The following HPS6 variants were observed in gnomAD, a reference collection of about 807,000 sequenced individuals.
HPS6 encodes BLOC-2 complex member HPS6.
HPS6 carries 46 observed loss-of-function variants against 53.6 expected under a neutral mutation model. That is an observed-to-expected ratio of 0.86 (90% CI 0.68 to 1.10). HPS6 has a LOEUF of 1.10. Ranked by LOEUF, HPS6 falls within the 50% of genes least tolerant of loss-of-function variation. The pLI is 0.00. For synonymous variants in HPS6, 535 were observed against 470.8 expected (o/e 1.14, Z -1.77); for missense variants, 1,034 against 991.3 (o/e 1.04, Z -0.58).
Position 102,067,517 on chromosome 10 carries a change from C to G in HPS6, c.2043C>G (p.His681Gln). 6.2e-7 allele frequency: 1 copy of G among 1,613,732 alleles called. No homozygotes were observed. Among genetic ancestry groups the G allele is most frequent in the African/African-American group, 1.3e-5 (1 of 75,068 alleles). ...TGCTGCTGGCCGAGTTTGCCCAGCA[C>G]CGCCGGCTTGATGCTCACCTCCCCC... is the stretch of plus-strand genomic sequence containing the variant. ...FKLLLAEFAQHRRLDAHLPLL... is the reference protein window; with the variant it reads ...FKLLLAEFAQQRRLDAHLPLL... Residue 681 changes from histidine (H) to glutamine (Q), a missense_variant, in exon 1 of 1, where the codon CAC becomes CAG. Coordinates refer to ENST00000299238, the MANE Select transcript of HPS6 (RefSeq NM_024747.6).
In HPS6 at chr10:102,067,796, C is replaced by T; in HGVS notation, c.2322C>T (p.Asp774=). The T allele has an allele frequency of 6.2e-7, 1 of 1,613,088 alleles. No homozygotes were observed. Among genetic ancestry groups the T allele is most frequent in the African/African-American group, 1.3e-5 (1 of 75,050 alleles). ...PSTPPPTPPR[D]L Reference sequence around the variant, plus strand: ...CTCCACCCCCGACTCCACCTCGGGACCTATGACTACCCTTCAGGCATCAGA... The same window carrying T: ...CTCCACCCCCGACTCCACCTCGGGATCTATGACTACCCTTCAGGCATCAGA... Residue 774 remains aspartate (D), a synonymous_variant, in exon 1 of 1, where the codon GAC becomes GAT. Coordinates refer to ENST00000299238, the MANE Select transcript of HPS6 (RefSeq NM_024747.6).
chr10:102,065,735 A>AGCGCGGCCG lies in HPS6; in HGVS notation c.266_274dup (p.Arg89_Ala91dup). 6.7e-7 allele frequency: 1 copy of AGCGCGGCCG among 1,501,712 alleles called. No individual in the cohort carries two copies. Among genetic ancestry groups the AGCGCGGCCG allele is most frequent in the Non-Finnish European group, 8.8e-7 (1 of 1,133,220 alleles). 93.0% of individuals were successfully genotyped at this position (1,501,712 alleles called of 1,614,324 possible). A position where few individuals can be genotyped will look rare whatever the true frequency, so the allele number is the denominator to read the frequency against. On this transcript the variant is annotated inframe_insertion, in exon 1 of 1. Coordinates refer to ENST00000299238, the MANE Select transcript of HPS6 (RefSeq NM_024747.6). Reference sequence around the variant, plus strand: ...TGGACGCCTTCTTCCTGCCGTGGCCAGCGCGGCCGGCGCTGGTGCTGGTGT... The same window carrying AGCGCGGCCG: ...TGGACGCCTTCTTCCTGCCGTGGCCAGCGCGGCCGGCGCGGCCGGCGCTGGTGCTGGTGT...
Position 102,066,024 on chromosome 10 carries a change from C to A in HPS6, c.550C>A (p.Leu184Met), listed in dbSNP as rs1051160723. 1 of 1,606,336 alleles carries A rather than the reference C, an allele frequency of 6.2e-7. No individual in the cohort carries two copies. The highest frequency in any genetic ancestry group is 8.5e-7 in the Non-Finnish European group (1 of 1,179,968). Residue 184 changes from leucine (L) to methionine (M), a missense_variant, in exon 1 of 1, where the codon CTG becomes ATG. Physicochemically the swap from Leu to Met is conservative, Grantham distance 15. Coordinates refer to ENST00000299238, the MANE Select transcript of HPS6 (RefSeq NM_024747.6). ...ASTSLGRTHV[L>M]LHHCPAFGLL... ...CACCAGCCTGGGCCGCACACACGTCCTGCTGCACCACTGCCCTGCCTTCGG... is the reference window on the plus strand; with the variant it reads ...CACCAGCCTGGGCCGCACACACGTCATGCTGCACCACTGCCCTGCCTTCGG...
chr10:102,066,222 G>A lies in HPS6; in HGVS notation c.748G>A (p.Asp250Asn), dbSNP rs552634274. 9 of 1,613,930 alleles carry A rather than the reference G, an allele frequency of 5.6e-6. No homozygotes were observed. The South Asian group carries it at 9.9e-5, about 18-fold the overall frequency. ...SLNPGRGDTW[D>N]FRTLLRGLPG... ...GAATCCTGGACGAGGGGACACATGGGACTTCCGGACCCTGCTCCGAGGCCT... is the reference window on the plus strand; with the variant it reads ...GAATCCTGGACGAGGGGACACATGGAACTTCCGGACCCTGCTCCGAGGCCT... The change falls in exon 1 of 1, where the codon GAC (aspartate) becomes AAC (asparagine). Residue 250 changes from aspartate (D) to asparagine (N), a missense_variant. Asp to Asn is a conservative substitution (Grantham distance 23). Transcript: ENST00000299238.
In HPS6 at chr10:102,067,117, TA is replaced by T; in HGVS notation, c.1644del (p.Gly550GlufsTer2). 1.2e-6 allele frequency: 2 copies of T among 1,614,076 alleles called. No homozygotes were observed. Among genetic ancestry groups the T allele is most frequent in the Non-Finnish European group, 1.7e-6 (2 of 1,180,002 alleles). On this transcript the variant is annotated frameshift_variant, in exon 1 of 1. Coordinates refer to ENST00000299238, the MANE Select transcript of HPS6 (RefSeq NM_024747.6). LOFTEE classifies it high-confidence loss of function. ...QAPPDVWKKV[L>X]GGITAGKEPP... is the part of the protein sequence containing the mutation. ...CCCCCTGATGTGTGGAAGAAAGTGT[TA>T]GGGGGAATAACCGCTGGAAAGGAAC...
Position 102,066,259 on chromosome 10 carries a change from T to C in HPS6, c.785T>C (p.Leu262Pro). The C allele has an allele frequency of 6.2e-7, 1 of 1,613,966 alleles. No individual in the cohort carries two copies. The highest frequency in any genetic ancestry group is 1.3e-5 in the African/African-American group (1 of 75,064). Residue 262 changes from leucine (L) to proline (P), a missense_variant, in exon 1 of 1, where the codon CTG becomes CCG. By Grantham distance (98) the Leu-to-Pro change is moderately conservative. Transcript: ENST00000299238. The stretch of plus-strand genomic sequence containing the variant: ...CTGCTCCGAGGCCTTCCTGGGTTGC[T>C]GTCCCCCAGGGAGCCACTGGCTGTA... ...RTLLRGLPGL[L>P]SPREPLAVHT...
chr10:102,066,123 C>T lies in HPS6; in HGVS notation c.649C>T (p.Leu217Phe). Reference protein sequence around the residue: ...TTWPGVAHVLLIWSPGKGKVM... With the variant: ...TTWPGVAHVLFIWSPGKGKVM... ...CTGGCCTGGCGTGGCCCACGTTCTA[C>T]TCATCTGGAGCCCAGGCAAGGGCAA... Residue 217 changes from leucine to phenylalanine, a missense_variant, in exon 1 of 1, where the codon CTC (leucine) becomes TTC (phenylalanine). By Grantham distance (22) the Leu-to-Phe change is conservative (BLOSUM62 0). Transcript: ENST00000299238. 6.2e-7 allele frequency: 1 copy of T among 1,613,742 alleles called. No individual in the cohort carries two copies. Among genetic ancestry groups the T allele is most frequent in the African/African-American group, 1.3e-5 (1 of 75,070 alleles).
chr10:102,065,699 G>T lies in HPS6; in HGVS notation c.225G>T (p.Gln75His). The part of the protein sequence containing the change: ...AELERAWPAG[Q>H]PSPLDAFFLP... ...TAGAGCGGGCCTGGCCGGCCGGCCA[G>T]CCCTCCCCGCTGGACGCCTTCTTCC... Residue 75 changes from glutamine (Q) to histidine (H), a missense_variant, in exon 1 of 1, where the codon CAG becomes CAT. By Grantham distance (24) the Gln-to-His change is conservative (BLOSUM62 0). Coordinates refer to ENST00000299238, the MANE Select transcript of HPS6 (RefSeq NM_024747.6). The T allele has an allele frequency of 1.3e-6, 2 of 1,512,234 alleles. No individual in the cohort carries two copies. The highest frequency in any genetic ancestry group is 1.8e-6 in the Non-Finnish European group (2 of 1,138,798). The allele number at this position is 1,512,234 out of a possible 1,614,324, so 93.7% of individuals were successfully genotyped here.
At position 102,065,920 on chromosome 10, in the gene HPS6, A is replaced by T; in HGVS notation, c.446A>T (p.Glu149Val). The T allele has an allele frequency of 6.4e-7, 1 of 1,552,042 alleles. No individual in the cohort carries two copies. Among genetic ancestry groups the T allele is most frequent in the Non-Finnish European group, 8.6e-7 (1 of 1,158,098 alleles). Residue 149 changes from glutamate (E) to valine (V), a missense_variant, in exon 1 of 1, where the codon GAG (glutamate) becomes GTG (valine). Coordinates refer to ENST00000299238, the MANE Select transcript of HPS6 (RefSeq NM_024747.6). ...TGCGAGGAGCGGCAGGCCCGGGCCG[A>T]GGGCCCGTCAGGGTCGCCAGCAGCC... ...VWCEERQARAEGPSGSPAAAF... is the reference protein window; with the variant it reads ...VWCEERQARAVGPSGSPAAAF...
In HPS6 at chr10:102,066,367, C is replaced by T. The variant is rs371019818; in HGVS notation, c.893C>T (p.Thr298Met). The T allele has an allele frequency of 6.8e-6, 11 of 1,613,944 alleles. No individual in the cohort carries two copies. In the South Asian group the frequency reaches 7.7e-5, roughly 11 times the overall value. Residue 298 changes from threonine (T) to methionine (M), a missense_variant, in exon 1 of 1, where the codon ACG becomes ATG. Thr to Met is a moderately conservative substitution (Grantham distance 81). Transcript: ENST00000299238. Reference protein sequence around the residue: ...TVSLLQSHGGTRAVGTLQEAP... With the variant: ...TVSLLQSHGGMRAVGTLQEAP... ...AGCCTATTGCAGTCCCACGGTGGTA[C>T]GCGGGCTGTGGGCACCCTGCAGGAG... is the stretch of plus-strand genomic sequence containing the variant.
chr10:102,067,575 C>G lies in HPS6; in HGVS notation c.2101C>G (p.Pro701Ala). The G allele has an allele frequency of 6.2e-7, 1 of 1,613,812 alleles. No homozygotes were observed. Among genetic ancestry groups the G allele is most frequent in the East Asian group, 2.2e-5 (1 of 44,890 alleles). ...LCRLCPPELAPAELLLLLRTY... is the reference protein window; with the variant it reads ...LCRLCPPELAAAELLLLLRTY... ...CCGCCTGTGCCCACCAGAACTGGCTCCAGCTGAGCTCCTGCTTCTACTGAG... is the reference window on the plus strand; with the variant it reads ...CCGCCTGTGCCCACCAGAACTGGCTGCAGCTGAGCTCCTGCTTCTACTGAG... The change falls in exon 1 of 1, where the codon CCA becomes GCA. Residue 701 changes from proline (P) to alanine (A), a missense_variant. Coordinates refer to ENST00000299238, the MANE Select transcript of HPS6 (RefSeq NM_024747.6).
rs776304256 is a variant in HPS6 at position 102,066,167 on chromosome 10, A to G, written c.693A>G (p.Pro231=). The G allele has an allele frequency of 1.9e-6, 3 of 1,613,702 alleles. No individual in the cohort carries two copies. The Admixed American group carries it at 5.0e-5, about 27-fold the overall frequency. ...PGKGKVMVAA[P]RLGLSYSKSL... is the part of the protein sequence containing the mutation. ...AGGGCAAAGTGATGGTGGCTGCCCC[A>G]CGGCTTGGTCTCTCCTACAGTAAGA... is the stretch of plus-strand genomic sequence containing the variant. The change falls in exon 1 of 1, where the codon CCA becomes CCG. Residue 231 remains proline, a synonymous_variant. Coordinates refer to ENST00000299238, the MANE Select transcript of HPS6 (RefSeq NM_024747.6).
Position 102,067,805 on chromosome 10 carries a change from A to T in HPS6, c.*3A>T. The T allele has an allele frequency of 6.2e-7, 1 of 1,612,680 alleles. No individual in the cohort carries two copies. Among genetic ancestry groups the T allele is most frequent in the East Asian group, 2.2e-5 (1 of 44,850 alleles). ...CGACTCCACCTCGGGACCTATGACT[A>T]CCCTTCAGGCATCAGAACACTCAGG... is the stretch of plus-strand genomic sequence containing the variant. On this transcript the variant is annotated 3_prime_UTR_variant, in exon 1 of 1. Coordinates refer to ENST00000299238, the MANE Select transcript of HPS6 (RefSeq NM_024747.6).
chr10:102,066,712 G>T lies in HPS6; in HGVS notation c.1238G>T (p.Arg413Leu), dbSNP rs774845218. Reference protein sequence around the residue: ...VFEEACGYYQRRSLRGAQLTP... With the variant: ...VFEEACGYYQLRSLRGAQLTP... ...GAGGAGGCCTGCGGGTACTACCAGCGGCGGAGCCTGCGGGGTGCCCAGCTC... is the reference window on the plus strand; with the variant it reads ...GAGGAGGCCTGCGGGTACTACCAGCTGCGGAGCCTGCGGGGTGCCCAGCTC... Residue 413 changes from arginine (R) to leucine (L), a missense_variant, in exon 1 of 1, where the codon CGG becomes CTG. Coordinates refer to ENST00000299238, the MANE Select transcript of HPS6 (RefSeq NM_024747.6). 6.2e-7 allele frequency: 1 copy of T among 1,613,948 alleles called. No individual in the cohort carries two copies. The highest frequency in any genetic ancestry group is 8.5e-7 in the Non-Finnish European group (1 of 1,179,988).
Position 102,065,574 on chromosome 10 carries a change from G to A in HPS6, c.100G>A (p.Val34Ile). The A allele has an allele frequency of 6.5e-7, 1 of 1,544,472 alleles. No homozygotes were observed. The highest frequency in any genetic ancestry group is 1.4e-5 in the African/African-American group (1 of 70,688). The part of the protein sequence containing the change: ...ELVAGDSAVR[V>I]RGSPDGRHLL... ...GGTGGCCGGGGACTCAGCGGTCCGA[G>A]TCCGTGGCAGTCCGGACGGCCGCCA... The change falls in exon 1 of 1, where the codon GTC becomes ATC. Residue 34 changes from valine (V) to isoleucine (I), a missense_variant. Coordinates refer to ENST00000299238, the MANE Select transcript of HPS6 (RefSeq NM_024747.6).
In HPS6 at chr10:102,067,635, C is replaced by G; in HGVS notation, c.2161C>G (p.Pro721Ala). Residue 721 changes from proline (P) to alanine (A), a missense_variant, in exon 1 of 1, where the codon CCA becomes GCA. By Grantham distance (27) the Pro-to-Ala change is conservative. Transcript: ENST00000299238. ...CCCAGATGAGGTGGGGCCCCCAACCCCATTCCCTGAGCCTGGAGCAGAGCC... is the reference window on the plus strand; with the variant it reads ...CCCAGATGAGGTGGGGCCCCCAACCGCATTCCCTGAGCCTGGAGCAGAGCC... The part of the protein sequence containing the change: ...YLPDEVGPPT[P>A]FPEPGAEPPL... The G allele has an allele frequency of 6.2e-7, 1 of 1,614,016 alleles. No homozygotes were observed. The highest frequency in any genetic ancestry group is 8.5e-7 in the Non-Finnish European group (1 of 1,180,038).
rs574784104 is a variant in HPS6 at position 102,066,436 on chromosome 10, A to G, written c.962A>G (p.Gln321Arg). Reference protein sequence around the residue: ...PWGSAALGTFQGTLACVLGST... With the variant: ...PWGSAALGTFRGTLACVLGST... ...GGGTCTGCAGCCCTAGGCACATTTC[A>G]GGGCACTCTGGCCTGTGTGCTGGGC... Residue 321 changes from glutamine to arginine, a missense_variant, in exon 1 of 1, where the codon CAG (glutamine) becomes CGG (arginine). By Grantham distance (43) the Gln-to-Arg change is conservative. Transcript: ENST00000299238. 8.1e-6 allele frequency: 13 copies of G among 1,614,070 alleles called. No homozygotes were observed. The highest frequency in any genetic ancestry group is 2.2e-5 in the East Asian group (1 of 44,874).
At position 102,067,583 on chromosome 10, in the gene HPS6, GCTC is replaced by G; in HGVS notation, c.2112_2114del (p.Leu708del). The G allele has an allele frequency of 6.2e-7, 1 of 1,613,728 alleles. No homozygotes were observed. The highest frequency in any genetic ancestry group is 8.5e-7 in the Non-Finnish European group (1 of 1,180,032). ...GCCCACCAGAACTGGCTCCAGCTGAGCTCCTGCTTCTACTGAGGACATACCTCC... is the reference window on the plus strand; with the variant it reads ...GCCCACCAGAACTGGCTCCAGCTGAGCTGCTTCTACTGAGGACATACCTCC... On this transcript the variant is annotated inframe_deletion, in exon 1 of 1. Transcript: ENST00000299238.
Position 102,067,262 on chromosome 10 carries a change from G to T in HPS6, c.1788G>T (p.Gly596=), listed in dbSNP as rs2067978679. The T allele has an allele frequency of 6.2e-7, 1 of 1,612,834 alleles. No homozygotes were observed. Among genetic ancestry groups the T allele is most frequent in the East Asian group, 2.2e-5 (1 of 44,886 alleles). The change falls in exon 1 of 1, where the codon GGG becomes GGT. Residue 596 remains glycine (G), a synonymous_variant. Transcript: ENST00000299238. ...AGCAGCAGGGCGGGCCGGGCTGGGG[G>T]GCAGGGGGCCCAGGACTGCCCCTGT... is the stretch of plus-strand genomic sequence containing the variant. The part of the protein sequence containing the change: ...LAQQQGGPGW[G]AGGPGLPLYR...
Sources: allele counts gnomAD v4.1 joint callset, GRCh38; gene constraint gnomAD v4.1.1; transcripts MANE v1.5; gene names NCBI Gene and HGNC (gene_info 2026-07-23, HGNC 2026-07-21).